MYO5B: variants seen among roughly 807,000 people sequenced by gnomAD.
The protein encoded by MYO5B is myosin VB.
Under a neutral mutation model 229.3 loss-of-function variants are expected in MYO5B, and 143 were observed. The ratio of observed to expected loss-of-function variants is 0.62; its 90% CI spans 0.54 to 0.72. The LOEUF is 0.72. MYO5B is among the 30% of genes least tolerant of loss of function. MYO5B has a pLI of 0.00. For missense variants in MYO5B, 2,321 were observed against 2,331.0 expected (o/e 1.00, Z 0.09); for synonymous variants, 918 against 885.2 (o/e 1.04, Z -0.66).
intron 38 of MYO5B, 73 bp from the exon 39 acceptor site, chr18:49,835,497 T>C: frequency 1.1e-6 from 1 of 932,028 alleles, no homozygotes; most frequent in Non-Finnish European, 1.8e-6. Context: ...TTAAAGAATA[T>C]GTGACATTGG....
chr18:50,032,562 A>G (rs2026401549), intron 4 of MYO5B, among the ~76,000 whole-genome samples: 1 of 152,266 alleles, frequency 6.6e-6, no homozygotes, highest in Admixed American at 6.5e-5. Flanking sequence ...TTTATGGCCA[A>G]TAATATTCCA....
intron 1 of MYO5B, among the ~76,000 whole-genome samples, chr18:50,089,288 G>A (rs2031396226): frequency 6.6e-6 from 1 of 152,126 alleles, no homozygotes; most frequent in Admixed American, 6.5e-5. Flanking sequence ...TGAGGCAGGA[G>A]AATTGCTTGA....
rs551844436 is a variant in MYO5B at position 49,918,096 on chromosome 18, G to A, written c.2091-5923C>T. 2.0e-5 allele frequency among the ~76,000 whole-genome samples: 3 copies of A among 152,314 alleles called. No individual in the cohort carries two copies. In the East Asian group the frequency reaches 5.8e-4, roughly 29 times the overall value. On this transcript the variant is annotated intron_variant, in intron 17 of 39. Transcript: ENST00000285039. The stretch of plus-strand genomic sequence containing the variant: ...TGGTAACACGGCTGCTAAGAATGGT[G>A]CAGGAAGCGCAGTAGCTTTGGGATG...
chr18:50,113,597 T>C lies in MYO5B; in HGVS notation c.28-58219A>G, dbSNP rs144913137. 6.1e-3 allele frequency among the ~76,000 whole-genome samples: 932 copies of C among 152,312 alleles called. 3 individuals carry two copies. Among genetic ancestry groups the C allele is most frequent in the Non-Finnish European group, 0.01 (696 of 68,026 alleles). ...GTAATTATCAGGCGCACGTACAAAA[T>C]TGCAACTTATTTCTGTACATTAAAG... On this transcript the variant is annotated intron_variant, in intron 1 of 39. Transcript: ENST00000285039.
At chr18:50,092,638 C>A (rs1599015099) in intron 1 of MYO5B, among the ~76,000 whole-genome samples, 1 of 152,072 alleles carries the variant, frequency 6.6e-6, no homozygotes, top group African/African-American at 2.4e-5. Flanking sequence ...CTTGGCTAGA[C>A]CATAACTTTC....
intron 2 of MYO5B, among the ~76,000 whole-genome samples, chr18:50,043,424 TATTTAAATATA>T (rs2030107628): frequency 3.3e-5 from 4 of 119,992 alleles, no homozygotes; most frequent in Non-Finnish European, 6.4e-5. Flanking sequence ...TATTTAAATA[TATTTAAATATA>T]TTAAATATTA....
At chr18:49,858,077 C>T (rs562047213) in intron 29 of MYO5B, among the ~76,000 whole-genome samples, 1 of 149,542 alleles carries the variant, frequency 6.7e-6, no homozygotes, top group South Asian at 2.2e-4. Flanking sequence ...AATCCTAAGG[C>T]CCCCCACCAT....
At chr18:49,897,859 A>G (rs2024797269) in intron 21 of MYO5B, among the ~76,000 whole-genome samples, 1 of 152,208 alleles carries the variant, frequency 6.6e-6, no homozygotes, top group African/African-American at 2.4e-5. Context: ...ACAGGAGTGG[A>G]AAGTAATGTC....
intron 5 of MYO5B, among the ~76,000 whole-genome samples, chr18:49,999,239 T>C (rs2026020845): frequency 6.6e-6 from 1 of 152,228 alleles, no homozygotes; most frequent in Non-Finnish European, 1.5e-5. Context: ...ATGGACAGAA[T>C]CTTGAAACTC....
At chr18:50,029,933 A>G (rs909719806) in intron 4 of MYO5B, among the ~76,000 whole-genome samples, 16 of 152,318 alleles carry the variant, frequency 1.1e-4, no homozygotes, top group Non-Finnish European at 2.1e-4. Context: ...CTGAGGCTCA[A>G]TTAGGAAGCA....
At chr18:50,021,087 G>A (rs781310592) in intron 4 of MYO5B, among the ~76,000 whole-genome samples, 1 of 152,140 alleles carries the variant, frequency 6.6e-6, no homozygotes, top group Non-Finnish European at 1.5e-5. Flanking sequence ...TGCACTCCCA[G>A]TGCACACAGA....
In MYO5B at chr18:49,891,400, T is replaced by C. The variant is rs143599340; in HGVS notation, c.3045+3541A>G. On this transcript the variant is annotated intron_variant, in intron 22 of 39. Coordinates refer to ENST00000285039, the MANE Select transcript of MYO5B (RefSeq NM_001080467.3). ...TGGGGGGTAATTCACGTTAGATTCC[T>C]CTCTGTACTTTCTTCCCCCATCCCC... 2.4e-3 allele frequency among the ~76,000 whole-genome samples: 366 copies of C among 152,352 alleles called. 3 individuals carry two copies. The highest frequency in any genetic ancestry group is 8.6e-3 in the African/African-American group (358 of 41,578).
intron 4 of MYO5B, among the ~76,000 whole-genome samples, chr18:50,021,234 T>A (rs1448077748): frequency 6.6e-6 from 1 of 152,124 alleles, no homozygotes; most frequent in Non-Finnish European, 1.5e-5. Flanking sequence ...AACCTCCCAC[T>A]GGATGGAGCA....
intron 22 of MYO5B, among the ~76,000 whole-genome samples, chr18:49,891,952 G>A (rs1298972429): frequency 6.6e-6 from 1 of 151,586 alleles, no homozygotes; most frequent in Admixed American, 6.6e-5. Context: ...TGAGAGCCAG[G>A]CACCTGGCTG....
chr18:49,856,345 G>A (rs1468245788), intron 30 of MYO5B, among the ~76,000 whole-genome samples: 1 of 152,198 alleles, frequency 6.6e-6, no homozygotes, highest in Non-Finnish European at 1.5e-5. Flanking sequence ...CATACTGATG[G>A]CAGGCTCTGG....
chr18:49,902,983 T>A (rs866937270), intron 20 of MYO5B, 150 bp from the exon 21 acceptor site: 9 of 1,008,038 alleles, frequency 8.9e-6, no homozygotes, highest in Non-Finnish European at 1.3e-5. Flanking sequence ...ATCTAAGGCT[T>A]TGGTGGTTGT....
At chr18:49,905,523 T>C (rs2024889544) in intron 19 of MYO5B, among the ~76,000 whole-genome samples, 1 of 152,170 alleles carries the variant, frequency 6.6e-6, no homozygotes, top group Non-Finnish European at 1.5e-5. Context: ...AAAAAGACCT[T>C]GGAAATCATT....
intron 33 of MYO5B, among the ~76,000 whole-genome samples, chr18:49,845,225 G>C (rs898108642): frequency 6.6e-6 from 1 of 152,194 alleles, no homozygotes; most frequent in Non-Finnish European, 1.5e-5. Flanking sequence ...GTCTGTTTAA[G>C]GAAGTTTAAG....
In MYO5B at chr18:49,890,286, T is replaced by C. The variant is rs112040008; in HGVS notation, c.3045+4655A>G. ...TGCAGTGGGAGATGCTTTAACAACA[T>C]AAAACAGGTGGCTGCATCCCCTGAG... On this transcript the variant is annotated intron_variant, in intron 22 of 39. Transcript: ENST00000285039. 6.1e-3 allele frequency among the ~76,000 whole-genome samples: 929 copies of C among 152,296 alleles called. 10 individuals carry two copies. Among genetic ancestry groups the C allele is most frequent in the African/African-American group, 0.017 (700 of 41,568 alleles).
Sources: allele counts gnomAD v4.1 joint callset (sites outside exome capture counted in the v4.1 genomes callset), GRCh38; gene constraint gnomAD v4.1.1; transcripts MANE v1.5; gene names NCBI Gene and HGNC (gene_info 2026-07-23, HGNC 2026-07-21).